Variants in TRPC7 observed in about 807,000 individuals in gnomAD.
TRPC7 encodes short transient receptor potential channel 7.
In TRPC7, 42 loss-of-function variants were observed where a neutral mutation model predicts 90.1. That is an observed-to-expected ratio of 0.47 (90% CI 0.36 to 0.60). TRPC7 has a LOEUF of 0.60. Ranked by LOEUF, TRPC7 falls within the 20% of genes least tolerant of loss-of-function variation. The probability of loss-of-function intolerance (pLI) is 0.00; values close to 1 mark genes in which losing one functional copy is unlikely to be tolerated. For missense variants in TRPC7, 955 were observed against 1,112.3 expected (o/e 0.86, Z 2.01); for synonymous variants, 451 against 436.3 (o/e 1.03, Z -0.42).
At chr5:136,216,386 A>C in intron 10 of TRPC7, 111 bp from the exon 11 acceptor site, 2 of 821,334 alleles carry the variant, frequency 2.4e-6, no homozygotes, top group Non-Finnish European at 4.0e-6. Context: ...AACCATGGCG[A>C]CCCTCCCATG....
At chr5:136,317,081 T>A (rs1759047323) in intron 2 of TRPC7, among the ~76,000 whole-genome samples, 1 of 152,176 alleles carries the variant, frequency 6.6e-6, no homozygotes, top group South Asian at 2.1e-4. Flanking sequence ...AGGGAAAAGA[T>A]CAAGAAAATA....
intron 3 of TRPC7, among the ~76,000 whole-genome samples, chr5:136,311,008 A>G (rs903225885): frequency 5.3e-5 from 8 of 152,146 alleles, no homozygotes; most frequent in Admixed American, 3.9e-4. Context: ...GGAAAACAAT[A>G]TTCACACATT....
In TRPC7 at chr5:136,251,724, A is replaced by G. The variant is rs981754440; in HGVS notation, c.1504T>C (p.Tyr502His). 11 of 1,613,814 alleles carry G rather than the reference A, an allele frequency of 6.8e-6. No individual in the cohort carries two copies. The African/African-American group carries it at 1.3e-4, about 20-fold the overall frequency. The change falls in exon 6 of 12, where the codon TAC (tyrosine) becomes CAC (histidine). Residue 502 changes from tyrosine (Y) to histidine (H), a missense_variant. Physicochemically the swap from Tyr to His is moderately conservative, Grantham distance 83. This residue lies in a region of TRPC7 where 484 missense variants were observed against 509.6 expected (regional missense o/e 0.95). Transcript: ENST00000513104. Reference protein sequence around the residue: ...AFLKATEAQLYVDQHVQDDTL... With the variant: ...AFLKATEAQLHVDQHVQDDTL... Reference sequence around the variant, plus strand: ...TCGTCCTGCACGTGCTGGTCCACGTACAGCTGTGCCTCCGTGGCCTTCAGG... The same window carrying G: ...TCGTCCTGCACGTGCTGGTCCACGTGCAGCTGTGCCTCCGTGGCCTTCAGG...
chr5:136,290,232 C>T (rs187636829), intron 3 of TRPC7, among the ~76,000 whole-genome samples: 45 of 152,264 alleles, frequency 3.0e-4, no homozygotes, highest in South Asian at 1.0e-3. Context: ...AAAATCAGAG[C>T]GCCTCTCCTC....
At chr5:136,293,564 T>C (rs11949414) in intron 3 of TRPC7, among the ~76,000 whole-genome samples, 17,511 of 151,914 alleles carry the variant, frequency 0.12, 1,048 homozygotes, top group Non-Finnish European at 0.13. Context: ...AATAAAATAC[T>C]TAGGAATCCA....
At chr5:136,224,078 C>T (rs566192779) in intron 10 of TRPC7, among the ~76,000 whole-genome samples, 1 of 152,296 alleles carries the variant, frequency 6.6e-6, no homozygotes, top group African/African-American at 2.4e-5. Flanking sequence ...CAGTTAGAGA[C>T]CTGTATCTAA....
At chr5:136,294,953 G>A (rs1206125014) in intron 3 of TRPC7, among the ~76,000 whole-genome samples, 2 of 152,224 alleles carry the variant, frequency 1.3e-5, no homozygotes, top group Non-Finnish European at 2.9e-5. Flanking sequence ...TGAATACTAT[G>A]CAGCCATAAA....
At chr5:136,294,852 C>T (rs7716839) in intron 3 of TRPC7, among the ~76,000 whole-genome samples, 78,386 of 152,010 alleles carry the variant, frequency 0.52, 20,811 homozygotes, top group African/African-American at 0.64. Flanking sequence ...ATGTTTGTTG[C>T]GGCACTATTC....
At chr5:136,306,710 C>T (rs141484692) in intron 3 of TRPC7, among the ~76,000 whole-genome samples, 13,160 of 152,000 alleles carry the variant, frequency 0.087, 729 homozygotes, top group Non-Finnish European at 0.13. Flanking sequence ...TGTTTCTGCC[C>T]CACCCTAACT....
chr5:136,247,730 C>G lies in TRPC7; in HGVS notation c.1585G>C (p.Asp529His). ...PEVAYFTYARDKWWPSDPQII... is the reference protein window; with the variant it reads ...PEVAYFTYARHKWWPSDPQII... ...TGAGGGTCTGAAGGCCACCACTTGTCCCTGGCTAAAAGAAAACAATCTGGG... is the reference window on the plus strand; with the variant it reads ...TGAGGGTCTGAAGGCCACCACTTGTGCCTGGCTAAAAGAAAACAATCTGGG... The change falls in exon 7 of 12, where the codon GAC (aspartate) becomes CAC (histidine). Residue 529 changes from aspartate to histidine, a missense_variant. By Grantham distance (81) the Asp-to-His change is moderately conservative. This residue lies in a region of TRPC7 where 296 missense variants were observed against 422.7 expected (regional missense o/e 0.70). Coordinates refer to ENST00000513104, the MANE Select transcript of TRPC7 (RefSeq NM_020389.3). The surrounding 1 kb of genome is among the most constrained non-coding windows in gnomAD (Gnocchi z 4.2). 1 of 1,611,390 alleles carries G rather than the reference C, an allele frequency of 6.2e-7. No individual in the cohort carries two copies. Among genetic ancestry groups the G allele is most frequent in the Non-Finnish European group, 8.5e-7 (1 of 1,178,014 alleles).
intron 3 of TRPC7, among the ~76,000 whole-genome samples, chr5:136,285,776 A>G (rs1036860210): frequency 8.5e-5 from 13 of 152,196 alleles, no homozygotes; most frequent in Non-Finnish European, 1.9e-4. Context: ...ATGCTTAGAA[A>G]AAACAATTCA....
intron 10 of TRPC7, among the ~76,000 whole-genome samples, chr5:136,225,000 C>T (rs1260223262): frequency 6.6e-6 from 1 of 152,142 alleles, no homozygotes; most frequent in African/African-American, 2.4e-5. Context: ...TCACTATTAC[C>T]AGTTTGAGGG....
chr5:136,325,605 T>C lies in TRPC7; in HGVS notation c.781-9826A>G, dbSNP rs116184561. Among the ~76,000 whole-genome samples, 630 of 152,290 alleles carry C rather than the reference T, an allele frequency of 4.1e-3. 5 individuals are homozygous for C. The highest frequency in any genetic ancestry group is 0.015 in the African/African-American group (604 of 41,558). ...AGCATATATGAGGGAGGATTGAATA[T>C]AGTGTATTGAGGCAGGAGAACAGGG... On this transcript the variant is annotated intron_variant, in intron 2 of 11. Transcript: ENST00000513104.
chr5:136,261,907 C>T (rs1756869101), intron 5 of TRPC7, among the ~76,000 whole-genome samples: 1 of 152,164 alleles, frequency 6.6e-6, no homozygotes, highest in South Asian at 2.1e-4. Context: ...TGGTTTCCAT[C>T]TCTATTCCCC....
intron 3 of TRPC7, among the ~76,000 whole-genome samples, chr5:136,298,822 T>C (rs1758270750): frequency 6.6e-6 from 1 of 152,210 alleles, no homozygotes; most frequent in Non-Finnish European, 1.5e-5. Context: ...CCTGAGATTA[T>C]GCTTTTGATG....
At chr5:136,324,366 C>A (rs1244078589) in intron 2 of TRPC7, among the ~76,000 whole-genome samples, 1 of 152,120 alleles carries the variant, frequency 6.6e-6, no homozygotes, top group East Asian at 1.9e-4. Flanking sequence ...AAAATTTTGT[C>A]AACAATTTTT....
intron 2 of TRPC7, among the ~76,000 whole-genome samples, chr5:136,321,804 A>T (rs892721505): frequency 6.6e-6 from 1 of 152,270 alleles, no homozygotes; most frequent in South Asian, 2.1e-4. Context: ...GATGTACTAT[A>T]TAAGCTTTTG....
At chr5:136,258,827 G>A (rs1756765951) in intron 5 of TRPC7, among the ~76,000 whole-genome samples, 1 of 152,320 alleles carries the variant, frequency 6.6e-6, no homozygotes, top group Middle Eastern at 3.4e-3. Context: ...CTGTCCCAGG[G>A]CATTGCATCT....
At chr5:136,257,798 AT>A (rs1450826726) in intron 5 of TRPC7, among the ~76,000 whole-genome samples, 3 of 152,142 alleles carry the variant, frequency 2.0e-5, no homozygotes, top group Non-Finnish European at 4.4e-5. Context: ...TTAAAAATAA[AT>A]TTTTTAATGG....
Sources: gnomAD v4.1 joint callset for allele counts (sites outside exome capture counted in the v4.1 genomes callset) on GRCh38, gnomAD v4.1.1 for gene constraint, gnomAD v4.1.1 regional missense constraint, Gnocchi (gnomAD v3.1) non-coding constraint, MANE v1.5 for transcripts, NCBI Gene and HGNC (gene_info 2026-07-23, HGNC 2026-07-21) for gene names.